Variants in AKAP9 observed in about 807,000 individuals in gnomAD.
AKAP9 encodes the protein A-kinase anchor protein 9.
In AKAP9, 311 loss-of-function variants were observed where a neutral mutation model predicts 488.5. That is an observed-to-expected ratio of 0.64 (90% CI 0.58 to 0.70). The LOEUF (loss-of-function observed/expected upper bound fraction) is 0.70. Among genes scored for constraint, AKAP9 ranks in the 30% least tolerant of loss-of-function variants. The pLI is 0.00. For missense variants in AKAP9, 4,215 were observed against 4,374.5 expected (o/e 0.96, Z 1.03); for synonymous variants, 1,462 against 1,483.5 (o/e 0.99, Z 0.33).
intron 7 of AKAP9, among the ~76,000 whole-genome samples, chr7:91,998,535 T>A (rs1381844071): frequency 6.6e-6 from 1 of 150,386 alleles, no homozygotes; most frequent in Non-Finnish European, 1.5e-5. Context: ...ATTTGTGTTG[T>A]TTAACGGTTG....
chr7:91,940,902 G>A lies in AKAP9; in HGVS notation c.-198G>A, dbSNP rs1790659661. The A allele has an allele frequency of 3.2e-6, 2 of 630,676 alleles. No individual in the cohort carries two copies. The highest frequency in any genetic ancestry group is 1.8e-5 in the South Asian group (1 of 54,450). The allele number at this position is 630,676 out of a possible 1,614,324, so 39.1% of individuals were successfully genotyped here. On this transcript the variant is annotated 5_prime_UTR_variant, in exon 1 of 50. Transcript: ENST00000356239. ...CGAAGATGGCGGCGGCGGCGGCGGT[G>A]ACGGCGCTTCCCGTGCGGCTGAGGA...
chr7:92,075,150 T>G (rs1812370179), intron 28 of AKAP9, among the ~76,000 whole-genome samples: 1 of 151,946 alleles, frequency 6.6e-6, no homozygotes, highest in African/African-American at 2.4e-5. Context: ...CCCAGCATGC[T>G]CCCACATGAT....
At position 92,085,531 on chromosome 7, in the gene AKAP9, G is replaced by T. The variant is rs769518811; in HGVS notation, c.8869G>T (p.Val2957Leu). 2 of 1,613,936 alleles carry T rather than the reference G, an allele frequency of 1.2e-6. No individual in the cohort carries two copies. The highest frequency in any genetic ancestry group is 1.7e-5 in the Admixed American group (1 of 59,978). Residue 2957 changes from valine to leucine, a missense_variant, in exon 36 of 50, where the codon GTG becomes TTG. Val to Leu is a conservative substitution (Grantham distance 32). Coordinates refer to ENST00000356239, the MANE Select transcript of AKAP9 (RefSeq NM_005751.5). Reference protein sequence around the residue: ...LRAVHNEGMQVLSLTESPYSD... With the variant: ...LRAVHNEGMQLLSLTESPYSD... ...AGCTGTCCATAATGAAGGCATGCAG[G>T]TGCTTTCTCTCACTGAGTCTCCCTA...
chr7:92,005,052 C>G (rs1799644088), intron 8 of AKAP9, among the ~76,000 whole-genome samples: 1 of 152,128 alleles, frequency 6.6e-6, no homozygotes, highest in African/African-American at 2.4e-5. Context: ...TGTCCAAGGC[C>G]TTTTCTGCAT....
intron 1 of AKAP9, among the ~76,000 whole-genome samples, chr7:91,948,880 C>T (rs950248901): frequency 6.9e-6 from 1 of 145,552 alleles, no homozygotes; most frequent in African/African-American, 2.5e-5. Context: ...TCCCCAGTAG[C>T]TGTGATTACA....
rs372102409 is a variant in AKAP9 at position 92,109,174 on chromosome 7, GA to G, written c.11686+548del. ...CTATATTGTGCTTTTATGTATCATC[GA>G]AAAAAACTATCCCATTTAAAATACT... On this transcript the variant is annotated intron_variant, in intron 49 of 49. Coordinates refer to ENST00000356239, the MANE Select transcript of AKAP9 (RefSeq NM_005751.5). The G allele has an allele frequency of 1.3e-3, 254 of 200,010 alleles. 3 individuals are homozygous for G. In the Middle Eastern group the frequency reaches 0.017, roughly 13 times the overall value. The allele number at this position is 200,010 out of a possible 1,614,324, so 12.4% of individuals were successfully genotyped here. A position where few individuals can be genotyped will look rare whatever the true frequency, so the allele number is the denominator to read the frequency against.
chr7:92,043,350 A>G (rs1276914155), intron 20 of AKAP9: 1 of 983,964 alleles, frequency 1.0e-6, no homozygotes, highest in East Asian at 1.1e-4. Context: ...GAACGCAGTC[A>G]GTATGGAACT....
At position 91,965,465 on chromosome 7, in the gene AKAP9, G is replaced by C. The variant is rs1035280916; in HGVS notation, c.49-8246G>C. The stretch of plus-strand genomic sequence containing the variant: ...GCACTTAAGCTAATTTCATATTTTA[G>C]CTATTGTAAATAGTACTACAAAAAA... On this transcript the variant is annotated intron_variant, in intron 1 of 49. Coordinates refer to ENST00000356239, the MANE Select transcript of AKAP9 (RefSeq NM_005751.5). Among the ~76,000 whole-genome samples, 5 of 152,140 alleles carry C rather than the reference G, an allele frequency of 3.3e-5. No individual in the cohort carries two copies. The East Asian group carries it at 9.6e-4, about 29-fold the overall frequency.
At chr7:92,094,819 G>A (rs1354364279) in intron 39 of AKAP9, among the ~76,000 whole-genome samples, 6 of 152,248 alleles carry the variant, frequency 3.9e-5, no homozygotes, top group African/African-American at 9.6e-5. Flanking sequence ...GCGACAGAGC[G>A]AGACTCCGTC....
intron 42 of AKAP9, 88 bp downstream of exon 42, chr7:92,097,882 G>C (rs576048186): frequency 2.2e-6 from 3 of 1,348,384 alleles, no homozygotes; most frequent in South Asian, 2.4e-5. Flanking sequence ...CAAGGGTGGG[G>C]AATTGAAATT....
At chr7:92,026,238 G>A (rs765018409) in intron 14 of AKAP9, among the ~76,000 whole-genome samples, 6 of 152,136 alleles carry the variant, frequency 3.9e-5, no homozygotes, top group Admixed American at 6.5e-5. Flanking sequence ...TTAAGTTTAC[G>A]CCAGACTGTT....
chr7:92,105,788 T>A, intron 47 of AKAP9, 25 bp downstream of exon 47: 1 of 1,575,630 alleles, frequency 6.3e-7, no homozygotes, highest in Non-Finnish European at 8.7e-7. Flanking sequence ...GCATATTTTC[T>A]TATGTTTATG....
At position 92,038,644 on chromosome 7, in the gene AKAP9, G is replaced by T; in HGVS notation, c.4564G>T (p.Gly1522Ter). The T allele has an allele frequency of 6.2e-7, 1 of 1,611,726 alleles. No individual in the cohort carries two copies. Among genetic ancestry groups the T allele is most frequent in the South Asian group, 1.1e-5 (1 of 90,672 alleles). The change falls in exon 17 of 50, where the codon GGA becomes TGA. Residue 1522 changes from glycine (G) to a stop codon, truncating the protein, a stop_gained. Transcript: ENST00000356239. LOFTEE classifies it high-confidence loss of function. Reference protein sequence around the residue: ...EEFKPLSKELGEHGKEILLSN... With the variant: ...EEFKPLSKEL ...ATTTAAACCACTTAGTAAAGAGTTA[G>T]GAGAACATGGAAAGGAAATTTTATT...
chr7:91,990,357 A>G (rs575204071), intron 3 of AKAP9, among the ~76,000 whole-genome samples: 20 of 152,240 alleles, frequency 1.3e-4, no homozygotes, highest in African/African-American at 4.8e-4. Context: ...ATTGTTAACT[A>G]TTAATGATCC....
Position 92,001,308 on chromosome 7 carries a change from A to G in AKAP9, c.1391A>G (p.Lys464Arg). Residue 464 changes from lysine (K) to arginine (R), a missense_variant, in exon 8 of 50, where the codon AAA becomes AGA. This residue lies in a region of AKAP9 where 2,361 missense variants were observed against 2,430.0 expected (regional missense o/e 0.97). Coordinates refer to ENST00000356239, the MANE Select transcript of AKAP9 (RefSeq NM_005751.5). ...RQHMAQMEEM[K>R]TRHKGEMENA... is the part of the protein sequence containing the mutation. ...CACATGGCACAGATGGAGGAAATGA[A>G]AACACGGCATAAGGGAGAAATGGAG... 1 of 1,614,020 alleles carries G rather than the reference A, an allele frequency of 6.2e-7. No homozygotes were observed. The highest frequency in any genetic ancestry group is 2.2e-5 in the East Asian group (1 of 44,878).
intron 22 of AKAP9, among the ~76,000 whole-genome samples, chr7:92,059,916 G>A (rs1021376576): frequency 4.6e-5 from 7 of 151,746 alleles, no homozygotes; most frequent in African/African-American, 1.7e-4. Flanking sequence ...ATTATCATGG[G>A]TATTTTAGGA....
intron 22 of AKAP9, among the ~76,000 whole-genome samples, chr7:92,057,393 C>T (rs1025700965): frequency 6.6e-6 from 1 of 152,068 alleles, no homozygotes; most frequent in Non-Finnish European, 1.5e-5. Context: ...GCTTATCTTA[C>T]AAACATTATA....
In AKAP9 at chr7:92,079,699, A is replaced by G. The variant is rs772094059; in HGVS notation, c.7566A>G (p.Ile2522Met). ...AACTTACCCAGTGTTATAAACAAATAAAAGACATGCAAGAACAAGGCCAGT... is the reference window on the plus strand; with the variant it reads ...AACTTACCCAGTGTTATAAACAAATGAAAGACATGCAAGAACAAGGCCAGT... ...DLELTQCYKQ[I>M]KDMQEQGQFE... The change falls in exon 31 of 50, where the codon ATA (isoleucine) becomes ATG (methionine). Residue 2522 changes from isoleucine (I) to methionine (M), a missense_variant. Physicochemically the swap from Ile to Met is conservative, Grantham distance 10. Transcript: ENST00000356239. 1 of 1,614,144 alleles carries G rather than the reference A, an allele frequency of 6.2e-7. No homozygotes were observed. The highest frequency in any genetic ancestry group is 8.5e-7 in the Non-Finnish European group (1 of 1,180,002).
At chr7:92,070,714 C>T (rs960464871) in intron 27 of AKAP9, among the ~76,000 whole-genome samples, 191 bp from the exon 28 acceptor site, 1 of 148,430 alleles carries the variant, frequency 6.7e-6, no homozygotes, top group Non-Finnish European at 1.5e-5. Context: ...GGATTACAGG[C>T]GTGAGCCATC....
Sources: gnomAD v4.1 joint callset for allele counts (sites outside exome capture counted in the v4.1 genomes callset) on GRCh38, gnomAD v4.1.1 for gene constraint, gnomAD v4.1.1 regional missense constraint, MANE v1.5 for transcripts, NCBI Gene and HGNC (gene_info 2026-07-23, HGNC 2026-07-21) for gene names.